The following GATAD1 variants were observed in gnomAD, a reference collection of about 807,000 sequenced individuals.
The protein encoded by GATAD1 is GATA zinc finger domain containing 1.
A neutral mutation model predicts 26.5 loss-of-function variants in GATAD1; 12 were observed. The ratio of observed to expected loss-of-function variants is 0.45; its 90% CI spans 0.29 to 0.73. GATAD1 has a LOEUF of 0.73. GATAD1 is among the 30% of genes least tolerant of loss of function. The pLI, the probability that GATAD1 is intolerant of heterozygous loss-of-function variation, is 0.10. For missense variants in GATAD1, 266 were observed against 342.1 expected (o/e 0.78, Z 1.75); for synonymous variants, 129 against 133.1 (o/e 0.97, Z 0.21).
chr7:92,455,269 T>G (rs1789622381), intron 4 of GATAD1, among the ~76,000 whole-genome samples: 1 of 152,216 alleles, frequency 6.6e-6, no homozygotes, highest in Non-Finnish European at 1.5e-5. Context: ...TACTAAGAAG[T>G]GGTATGGATA....
At chr7:92,486,039 C>A in the GATAD1 span, among the ~76,000 whole-genome samples, 1 of 152,196 alleles carries the variant, frequency 6.6e-6, no homozygotes, top group African/African-American at 2.4e-5. Context: ...GCTGTCTTTT[C>A]CAGCCACCCC....
chr7:92,477,143 G>A, the GATAD1 span, among the ~76,000 whole-genome samples: 3 of 152,090 alleles, frequency 2.0e-5, no homozygotes, highest in African/African-American at 7.2e-5. Context: ...GCCTCTAGTC[G>A]GCCCTCGGCT....
chr7:92,495,743 AAAAT>A, the GATAD1 span, among the ~76,000 whole-genome samples: 1 of 152,080 alleles, frequency 6.6e-6, no homozygotes, highest in African/African-American at 2.4e-5. Flanking sequence ...CGGTGTTCAA[AAAAT>A]AAATCTTGGC....
chr7:92,452,855 G>A (rs1327118412), intron 3 of GATAD1, among the ~76,000 whole-genome samples: 2 of 152,220 alleles, frequency 1.3e-5, no homozygotes, highest in African/African-American at 4.8e-5. Context: ...TGAATATGCT[G>A]TGTTATGCAT....
Position 92,459,916 on chromosome 7 carries a change from T to G in GATAD1, c.*3354T>G, listed in dbSNP as rs1284863595. Among the ~76,000 whole-genome samples, 3 of 152,276 alleles carry G rather than the reference T, an allele frequency of 2.0e-5. No homozygotes were observed. Among genetic ancestry groups the G allele is most frequent in the African/African-American group, 7.2e-5 (3 of 41,480 alleles). On this transcript the variant is annotated 3_prime_UTR_variant, in exon 5 of 5. Transcript: ENST00000287957. The stretch of plus-strand genomic sequence containing the variant: ...TCATATTAACTTTGGCTGAAACTTT[T>G]AAATTCTATTGTGAATAGTCAAGTA...
At chr7:92,495,587 T>C in the GATAD1 span, among the ~76,000 whole-genome samples, 2 of 152,220 alleles carry the variant, frequency 1.3e-5, no homozygotes, top group Non-Finnish European at 2.9e-5. Context: ...TCAAATGTAT[T>C]GGCATGAATA....
the GATAD1 span, chr7:92,475,146 GC>G: frequency 2.0e-5 from 3 of 152,088 alleles, no homozygotes; most frequent in Admixed American, 6.6e-5. Flanking sequence ...AAGAGGTCTA[GC>G]TGTAAGATGG....
At chr7:92,453,217 C>T (rs1044479175) in intron 3 of GATAD1, among the ~76,000 whole-genome samples, 2 of 152,218 alleles carry the variant, frequency 1.3e-5, no homozygotes, top group South Asian at 2.1e-4. Context: ...TACAGCTTTA[C>T]CTGCTGCCAA....
intron 3 of GATAD1, 41 bp from the exon 4 acceptor site, chr7:92,454,461 A>G (rs943985310): frequency 9.5e-6 from 14 of 1,472,228 alleles, no homozygotes; most frequent in South Asian, 4.6e-5. Context: ...GTGATGTTCT[A>G]TTTTTATTTT....
chr7:92,491,795 C>T, the GATAD1 span, among the ~76,000 whole-genome samples: 1 of 152,144 alleles, frequency 6.6e-6, no homozygotes, highest in Admixed American at 6.5e-5. Context: ...ACTTTCCATT[C>T]ATACTTTTCT....
At chr7:92,470,682 T>C in the GATAD1 span, 1 of 257,372 alleles carries the variant, frequency 3.9e-6, no homozygotes, top group Admixed American at 5.2e-5. Context: ...CTTTTCCCTC[T>C]TCTCAGGGAT....
chr7:92,448,065 G>A (rs1223650962), intron 1 of GATAD1, 87 bp downstream of exon 1: 1 of 1,044,020 alleles, frequency 9.6e-7, no homozygotes, highest in African/African-American at 1.7e-5. Flanking sequence ...GGCGGGCGCG[G>A]GCTTCCCCGA....
chr7:92,458,158 T>A lies in GATAD1; in HGVS notation c.*1596T>A, dbSNP rs1789765328. 1 of 145,284 alleles carries A rather than the reference T, an allele frequency of 6.9e-6. No individual in the cohort carries two copies. The highest frequency in any genetic ancestry group is 2.1e-4 in the East Asian group (1 of 4,854). The allele number at this position is 145,284 out of a possible 1,614,324, so 9.0% of individuals were successfully genotyped here. A position where few individuals can be genotyped will look rare whatever the true frequency, so the allele number is the denominator to read the frequency against. ...TCAAAAAAGAAAAAAAAGAAAAAAT[T>A]TTAATTTAATCCTTCTGTAGAAACA... On this transcript the variant is annotated 3_prime_UTR_variant, in exon 5 of 5. Transcript: ENST00000287957.
chr7:92,478,636 A>C, the GATAD1 span, among the ~76,000 whole-genome samples: 1 of 152,352 alleles, frequency 6.6e-6, no homozygotes, highest in South Asian at 2.1e-4. Context: ...TAAGTTATTA[A>C]GAAATAGTTT....
At chr7:92,494,745 T>C in the GATAD1 span, 3 of 595,548 alleles carry the variant, frequency 5.0e-6, no homozygotes, top group Non-Finnish European at 7.4e-6. Context: ...TATATACTTC[T>C]TTTAATTTTT....
chr7:92,475,600 C>T, the GATAD1 span, among the ~76,000 whole-genome samples: 2 of 151,170 alleles, frequency 1.3e-5, no homozygotes, highest in African/African-American at 4.9e-5. Context: ...TGCGTAACCA[C>T]CCATGGACCT....
the GATAD1 span, among the ~76,000 whole-genome samples, chr7:92,476,737 G>T: frequency 1.3e-5 from 2 of 151,788 alleles, no homozygotes; most frequent in Non-Finnish European, 2.9e-5. Flanking sequence ...CAAACTTGGG[G>T]CCCTGGCAAG....
chr7:92,466,057 A>G, the GATAD1 span, among the ~76,000 whole-genome samples: 1 of 152,148 alleles, frequency 6.6e-6, no homozygotes, highest in Non-Finnish European at 1.5e-5. Context: ...TCATAACATC[A>G]TCTCTACTTC....
At chr7:92,448,709 T>A (rs368015516) in intron 1 of GATAD1, 43 bp from the exon 2 acceptor site, 1 of 1,551,820 alleles carries the variant, frequency 6.4e-7, no homozygotes, top group African/African-American at 1.4e-5. Context: ...TATGCACTTT[T>A]TACTTCTTTC....
Sources: gnomAD v4.1 joint callset for allele counts (sites outside exome capture counted in the v4.1 genomes callset) on GRCh38, gnomAD v4.1.1 for gene constraint, MANE v1.5 for transcripts, NCBI Gene and HGNC (gene_info 2026-07-23, HGNC 2026-07-21) for gene names.